ZCWPW2: variants seen among roughly 807,000 people sequenced by gnomAD.
The protein encoded by ZCWPW2 is zinc finger CW-type and PWWP domain containing 2, also known as zinc finger CW-type PWWP domain protein 2.
A neutral mutation model predicts 46.6 loss-of-function variants in ZCWPW2; 45 were observed. The observed-to-expected ratio is 0.96, with a 90% CI of 0.76 to 1.24. ZCWPW2 has a LOEUF of 1.24. Ranked by LOEUF, ZCWPW2 falls within the 50% of genes most tolerant of loss-of-function variation. The pLI, the probability that ZCWPW2 is intolerant of heterozygous loss-of-function variation, is 0.00. For synonymous variants in ZCWPW2, 152 were observed against 137.1 expected (o/e 1.11, Z -0.76); for missense variants, 429 against 403.9 (o/e 1.06, Z -0.53).
chr3:28,373,494 G>T (rs747588654), intron 1 of ZCWPW2, among the ~76,000 whole-genome samples: 1 of 151,800 alleles, frequency 6.6e-6, no homozygotes, highest in Non-Finnish European at 1.5e-5. Context: ...TTGAGATGGA[G>T]TCTCGCTCTG....
intron 3 of ZCWPW2, among the ~76,000 whole-genome samples, chr3:28,428,664 G>A (rs1342047019): frequency 2.0e-5 from 3 of 152,142 alleles, no homozygotes; most frequent in African/African-American, 7.2e-5. Flanking sequence ...AATCCAAACT[G>A]TAATCTCCAC....
chr3:28,467,020 A>C (rs2125793144), intron 4 of ZCWPW2, among the ~76,000 whole-genome samples: 1 of 152,344 alleles, frequency 6.6e-6, no homozygotes, highest in Non-Finnish European at 1.5e-5. Context: ...TATGATAGAT[A>C]TAACAAGATG....
Position 28,422,784 on chromosome 3 carries a change from T to TG in ZCWPW2, c.332+9384_332+9385insG, listed in dbSNP as rs112905313. 5.5e-4 allele frequency among the ~76,000 whole-genome samples: 83 copies of TG among 151,074 alleles called. 1 individual carries two copies. In the East Asian group the frequency reaches 6.6e-3, roughly 12 times the overall value. On this transcript the variant is annotated intron_variant, in intron 3 of 9. Coordinates refer to ENST00000383768, the MANE Select transcript of ZCWPW2 (RefSeq NM_001040432.4). ...CTATGAGTATGTGTGTGTGTGTGTG[T>TG]TTTTTTTTAAGAAAATGCTAAACTG...
chr3:28,498,632 CAGTT>C (rs901639274), intron 6 of ZCWPW2, among the ~76,000 whole-genome samples: 1 of 151,064 alleles, frequency 6.6e-6, no homozygotes, highest in African/African-American at 2.4e-5. Flanking sequence ...TTCTATTAGA[CAGTT>C]AGGATTAGCT....
intron 6 of ZCWPW2, among the ~76,000 whole-genome samples, chr3:28,509,763 AT>A (rs1470867278): frequency 6.6e-6 from 1 of 152,052 alleles, no homozygotes; most frequent in East Asian, 1.9e-4. Flanking sequence ...TTTTTTTCTC[AT>A]TATGTAGATT....
At chr3:28,446,076 G>A (rs993395730) in intron 4 of ZCWPW2, among the ~76,000 whole-genome samples, 3 of 152,066 alleles carry the variant, frequency 2.0e-5, no homozygotes, top group Admixed American at 6.6e-5. Flanking sequence ...AACAATAATA[G>A]TTGGAGACTT....
chr3:28,370,202 T>C (rs950502054), intron 1 of ZCWPW2, among the ~76,000 whole-genome samples: 14 of 152,170 alleles, frequency 9.2e-5, no homozygotes, highest in Non-Finnish European at 1.8e-4. Flanking sequence ...GAGATGAACC[T>C]GGTACCTCAG....
chr3:28,518,722 C>T (rs958189859), intron 8 of ZCWPW2, among the ~76,000 whole-genome samples: 6 of 152,080 alleles, frequency 3.9e-5, no homozygotes, highest in East Asian at 3.8e-4. Context: ...GTTTGTTTGC[C>T]GTTTTTTCTT....
chr3:28,374,394 A>G (rs372350863), intron 1 of ZCWPW2, among the ~76,000 whole-genome samples: 15 of 152,096 alleles, frequency 9.9e-5, no homozygotes, highest in African/African-American at 3.1e-4. Context: ...TTTGTATAGT[A>G]TATTTTGAAC....
Position 28,349,136 on chromosome 3 carries a change from C to A in ZCWPW2, c.-201C>A. 1 of 985,558 alleles carries A rather than the reference C, an allele frequency of 1.0e-6. No homozygotes were observed. The highest frequency in any genetic ancestry group is 1.7e-5 in the African/African-American group (1 of 57,318). The allele number at this position is 985,558 out of a possible 1,614,324, so 61.1% of individuals were successfully genotyped here. A position where few individuals can be genotyped will look rare whatever the true frequency, so the allele number is the denominator to read the frequency against. ...GTGGCGCGCGGCGTACTACATGTCC[C>A]GTGAGCCTCCGCGGCGGGACGGGGC... On this transcript the variant is annotated 5_prime_UTR_variant, in exon 1 of 10. Transcript: ENST00000383768.
chr3:28,474,530 A>G (rs1699154464), intron 4 of ZCWPW2, among the ~76,000 whole-genome samples: 1 of 151,428 alleles, frequency 6.6e-6, no homozygotes, highest in South Asian at 2.1e-4. Context: ...ATATACATAC[A>G]TCTGTTTTCT....
chr3:28,515,761 A>T, intron 8 of ZCWPW2, 140 bp downstream of exon 8: 1 of 618,902 alleles, frequency 1.6e-6, no homozygotes, highest in Non-Finnish European at 2.7e-6. Flanking sequence ...ACATATATAC[A>T]TGTGCGTACA....
chr3:28,501,469 G>C (rs1408068065), intron 6 of ZCWPW2, among the ~76,000 whole-genome samples: 1 of 152,160 alleles, frequency 6.6e-6, no homozygotes, highest in Non-Finnish European at 1.5e-5. Flanking sequence ...GGAGCCTAGT[G>C]CAGGGGCACA....
chr3:28,440,222 A>T (rs1045376923), intron 4 of ZCWPW2, among the ~76,000 whole-genome samples: 5 of 152,032 alleles, frequency 3.3e-5, no homozygotes, highest in Non-Finnish European at 7.4e-5. Context: ...CAACATTGTA[A>T]CTCCTTTCAT....
chr3:28,447,975 T>G, intron 4 of ZCWPW2: 1 of 556,690 alleles, frequency 1.8e-6, no homozygotes, highest in South Asian at 2.0e-5. Flanking sequence ...CCATGTGTGC[T>G]AAATGTTTTC....
rs543977359 is a variant in ZCWPW2 at position 28,409,578 on chromosome 3, A to T, written c.-13-3478A>T. 4.6e-4 allele frequency among the ~76,000 whole-genome samples: 70 copies of T among 152,316 alleles called. 1 individual carries two copies. The highest frequency in any genetic ancestry group is 1.6e-3 in the African/African-American group (66 of 41,576). On this transcript the variant is annotated intron_variant, in intron 2 of 9. Transcript: ENST00000383768. Reference sequence around the variant, plus strand: ...GGTATAAATGCAAAATAGAACTATGATGCTGGCAAGAAATGAGATAAAGGC... The same window carrying T: ...GGTATAAATGCAAAATAGAACTATGTTGCTGGCAAGAAATGAGATAAAGGC...
intron 1 of ZCWPW2, among the ~76,000 whole-genome samples, chr3:28,379,241 A>G (rs956049726): frequency 7.2e-5 from 11 of 152,202 alleles, no homozygotes; most frequent in African/African-American, 2.7e-4. Flanking sequence ...TTTGGATGAG[A>G]AGTGATGGAG....
chr3:28,442,440 G>A (rs1697801226), intron 4 of ZCWPW2, among the ~76,000 whole-genome samples: 1 of 151,482 alleles, frequency 6.6e-6, no homozygotes, highest in East Asian at 1.9e-4. Flanking sequence ...AGTCAGCATA[G>A]TGTCATCAAT....
intron 3 of ZCWPW2, among the ~76,000 whole-genome samples, chr3:28,429,830 T>G (rs2125757412): frequency 6.6e-6 from 1 of 152,320 alleles, no homozygotes. Flanking sequence ...GCCCCAAGCC[T>G]TGGCAGCTTA....
Sources: gnomAD v4.1 joint callset for allele counts (sites outside exome capture counted in the v4.1 genomes callset) on GRCh38, gnomAD v4.1.1 for gene constraint, MANE v1.5 for transcripts, NCBI Gene and HGNC (gene_info 2026-07-23, HGNC 2026-07-21) for gene names.